DCTN2: variants seen among roughly 807,000 people sequenced by gnomAD.
DCTN2 encodes the protein dynactin subunit 2, also known as 50 kDa dynein-associated polypeptide.
In DCTN2, 18 loss-of-function variants were observed where a neutral mutation model predicts 55.4. The observed-to-expected ratio is 0.32, with a 90% CI of 0.22 to 0.48. DCTN2 has a LOEUF of 0.48. DCTN2 is among the 20% of genes least tolerant of loss of function. The pLI, the probability that DCTN2 is intolerant of heterozygous loss-of-function variation, is 0.99. For missense variants in DCTN2, 390 were observed against 491.0 expected (o/e 0.79, Z 1.94); for synonymous variants, 168 against 185.2 (o/e 0.91, Z 0.76).
At chr12:57,535,716 C>A (rs200661945) in intron 3 of DCTN2, 33 bp downstream of exon 3, 7 of 1,587,342 alleles carry the variant, frequency 4.4e-6, no homozygotes, top group Non-Finnish European at 6.1e-6. Flanking sequence ...ATCCTCCAGT[C>A]TTCCCCCCAC....
Position 57,538,427 on chromosome 12 carries a change from A to G in DCTN2, c.106-2582T>C, listed in dbSNP as rs369162832. On this transcript the variant is annotated intron_variant, in intron 2 of 13. Transcript: ENST00000548249. ...GCTGGGTGTGGGACTGAATAGATGA[A>G]TGAAAGATTTAGTAGAGTCTAAAGG... is the stretch of plus-strand genomic sequence containing the variant. The G allele has an allele frequency of 7.7e-4, 555 of 716,374 alleles. 2 individuals carry two copies. In the African/African-American group the frequency reaches 8.5e-3, roughly 11 times the overall value. 44.4% of individuals were successfully genotyped at this position (716,374 alleles called of 1,614,324 possible).
At chr12:57,541,362 A>G in intron 2 of DCTN2, 2 of 1,599,318 alleles carry the variant, frequency 1.3e-6, no homozygotes, top group Non-Finnish European at 1.7e-6. Flanking sequence ...GAATGGTCTT[A>G]CTTGTGCAAA....
chr12:57,531,652 T>C (rs1316354531), intron 13 of DCTN2, among the ~76,000 whole-genome samples: 1 of 152,224 alleles, frequency 6.6e-6, no homozygotes, highest in Non-Finnish European at 1.5e-5. Flanking sequence ...GCTTCTGACT[T>C]CAAAGCCCGG....
rs1160864837 is a variant in DCTN2, at chr12:57,532,999, C to G, written c.759G>C (p.Gln253His). ...CCAAACTCACCATGAGACAGGCTCCCTGTAGACCTGCAGAAAGGGGATTCT... is the reference window on the plus strand; with the variant it reads ...CCAAACTCACCATGAGACAGGCTCCGTGTAGACCTGCAGAAAGGGGATTCT... ...DAQNPLSAGL[Q>H]GACLMETVEL... is the part of the protein sequence containing the mutation. Residue 253 changes from glutamine to histidine, a missense_variant, in exon 9 of 14, where the codon CAG becomes CAC. By Grantham distance (24) the Gln-to-His change is conservative (BLOSUM62 0). Coordinates refer to ENST00000548249, the MANE Select transcript of DCTN2 (RefSeq NM_001261413.2). The G allele has an allele frequency of 1.2e-6, 2 of 1,604,356 alleles. No homozygotes were observed. Among genetic ancestry groups the G allele is most frequent in the Non-Finnish European group, 1.7e-6 (2 of 1,175,450 alleles).
At chr12:57,543,910 G>C (rs1187875165) in intron 2 of DCTN2, 1 of 1,015,014 alleles carries the variant, frequency 9.9e-7, no homozygotes, top group South Asian at 1.3e-5. Flanking sequence ...AGGCTCTGGG[G>C]GAGAAACAGC....
chr12:57,544,094 T>C (rs1880933835), intron 2 of DCTN2: 1 of 447,146 alleles, frequency 2.2e-6, no homozygotes, highest in Non-Finnish European at 4.5e-6. Context: ...GACTGAGTTC[T>C]ATTCATTATC....
chr12:57,545,919 T>A, intron 2 of DCTN2, 109 bp downstream of exon 2: 3 of 1,116,572 alleles, frequency 2.7e-6, no homozygotes, highest in Non-Finnish European at 4.0e-6. Context: ...CCACCCAGGC[T>A]GGGGTTGGCA....
chr12:57,539,295 G>A (rs1310568001), intron 2 of DCTN2, among the ~76,000 whole-genome samples: 2 of 152,234 alleles, frequency 1.3e-5, no homozygotes, highest in African/African-American at 4.8e-5. Context: ...AACTCACCCT[G>A]CAGCTCCGAA....
At chr12:57,534,615 T>G (rs903670862) in intron 5 of DCTN2, 163 bp from the exon 6 acceptor site, 60 of 607,014 alleles carry the variant, frequency 9.9e-5, no homozygotes, top group African/African-American at 8.9e-4. Context: ...GATGGATGCA[T>G]ATTTGTAAAC....
intron 2 of DCTN2, among the ~76,000 whole-genome samples, chr12:57,542,570 C>A (rs1468200955): frequency 6.6e-6 from 1 of 152,126 alleles, no homozygotes; most frequent in Non-Finnish European, 1.5e-5. Flanking sequence ...GTAATCCCAG[C>A]ACTTTGGGAG....
chr12:57,543,923 A>G, intron 2 of DCTN2: 1 of 821,194 alleles, frequency 1.2e-6, no homozygotes, highest in South Asian at 1.4e-5. Flanking sequence ...GAAACAGCCA[A>G]TCAGAGCTGC....
chr12:57,543,658 C>G (rs1480437110), intron 2 of DCTN2: 1 of 615,944 alleles, frequency 1.6e-6, no homozygotes, highest in Admixed American at 6.3e-5. Context: ...CATCAGGAAA[C>G]ATCTTGGCTC....
In DCTN2 at chr12:57,532,135, G is replaced by C. The variant is rs1294745272; in HGVS notation, c.1028-29C>G. On this transcript the variant is annotated intron_variant, in intron 12 of 13. Coordinates refer to ENST00000548249, the MANE Select transcript of DCTN2 (RefSeq NM_001261413.2). ...CAAAAGAAAAGTATGGTTGAGACTTGAATCCAAGATAAGGGAGGGGACCAA... is the reference window on the plus strand; with the variant it reads ...CAAAAGAAAAGTATGGTTGAGACTTCAATCCAAGATAAGGGAGGGGACCAA... 2.6e-6 allele frequency: 4 copies of C among 1,553,266 alleles called. No individual in the cohort carries two copies. In the African/African-American group the frequency reaches 4.1e-5, roughly 16 times the overall value.
intron 6 of DCTN2, 63 bp from the exon 7 acceptor site, chr12:57,534,160 A>C: frequency 1.3e-6 from 2 of 1,531,766 alleles, no homozygotes; most frequent in Non-Finnish European, 8.8e-7. Context: ...ACTCTCCCTC[A>C]CTTTTGCCTC....
At position 57,532,654 on chromosome 12, in the gene DCTN2, A is replaced by G. The variant is rs557813676; in HGVS notation, c.853-11T>C. Reference sequence around the variant, plus strand: ...CTTTCCCAGGACACTCTGAAAACACAGATTTTAAGGTTGATAGGGCATCCA... The same window carrying G: ...CTTTCCCAGGACACTCTGAAAACACGGATTTTAAGGTTGATAGGGCATCCA... On this transcript the variant is annotated splice_polypyrimidine_tract_variant and intron_variant, in intron 10 of 13. Coordinates refer to ENST00000548249, the MANE Select transcript of DCTN2 (RefSeq NM_001261413.2). 1 of 1,614,006 alleles carries G rather than the reference A, an allele frequency of 6.2e-7. No individual in the cohort carries two copies. The highest frequency in any genetic ancestry group is 1.1e-5 in the South Asian group (1 of 91,088).
At chr12:57,536,632 C>T (rs1880256865) in intron 2 of DCTN2, among the ~76,000 whole-genome samples, 1 of 152,172 alleles carries the variant, frequency 6.6e-6, no homozygotes, top group Admixed American at 6.5e-5. Flanking sequence ...CTCTGCTATG[C>T]TTTAAGCACT....
intron 2 of DCTN2, among the ~76,000 whole-genome samples, chr12:57,545,561 T>C (rs1391207190): frequency 1.3e-5 from 2 of 152,128 alleles, no homozygotes; most frequent in Non-Finnish European, 2.9e-5. Context: ...CTCAAATTTG[T>C]TTTGCTCTAA....
intron 2 of DCTN2, chr12:57,540,198 T>C: frequency 1.1e-6 from 1 of 900,066 alleles, no homozygotes; most frequent in Non-Finnish European, 1.3e-6. Flanking sequence ...ACACTATACC[T>C]TTCTCTGATT....
chr12:57,532,005 G>T lies in DCTN2; in HGVS notation c.1119+10C>A. The T allele has an allele frequency of 1.3e-6, 2 of 1,557,026 alleles. No homozygotes were observed. Among genetic ancestry groups the T allele is most frequent in the East Asian group, 4.8e-5 (2 of 41,472 alleles). The stretch of plus-strand genomic sequence containing the variant: ...GAGAAAGGAGGACAGATCAACAAAG[G>T]GGCACACACCTGGGTCAAGAGGGTG... On this transcript the variant is annotated intron_variant, in intron 13 of 13. Coordinates refer to ENST00000548249, the MANE Select transcript of DCTN2 (RefSeq NM_001261413.2).
Sources: allele counts gnomAD v4.1 joint callset (sites outside exome capture counted in the v4.1 genomes callset), GRCh38; gene constraint gnomAD v4.1.1; transcripts MANE v1.5; gene names NCBI Gene and HGNC (gene_info 2026-07-23, HGNC 2026-07-21).